LRFN5: variants seen among roughly 807,000 people sequenced by gnomAD.
The protein encoded by LRFN5 is leucine-rich repeat and fibronectin type-III domain-containing protein 5.
LRFN5 carries 24 observed loss-of-function variants against 45.6 expected under a neutral mutation model. The observed-to-expected ratio is 0.53, with a 90% confidence interval of 0.38 to 0.74. LRFN5 has a LOEUF of 0.74. Ranked by LOEUF, LRFN5 falls within the 30% of genes least tolerant of loss-of-function variation. The pLI is 0.00. For synonymous variants in LRFN5, 340 were observed against 313.8 expected (o/e 1.08, Z -0.88); for missense variants, 776 against 861.5 (o/e 0.90, Z 1.24).
intron 1 of LRFN5, among the ~76,000 whole-genome samples, chr14:41,614,342 T>C (rs937120196): frequency 6.6e-6 from 1 of 152,064 alleles, no homozygotes. Context: ...TCAACAAAAA[T>C]AGGCCTAACT....
chr14:41,813,222 GTTCT>G (rs1273654139), intron 2 of LRFN5, among the ~76,000 whole-genome samples: 1 of 152,072 alleles, frequency 6.6e-6, no homozygotes, highest in African/African-American at 2.4e-5. Flanking sequence ...TACAGTTTAA[GTTCT>G]GGGATGCATG....
chr14:41,745,591 A>T (rs1395937413), intron 1 of LRFN5, among the ~76,000 whole-genome samples: 1 of 151,972 alleles, frequency 6.6e-6, no homozygotes, highest in African/African-American at 2.4e-5. Context: ...TCAAATTAAA[A>T]ATTGGTTCTT....
intron 1 of LRFN5, among the ~76,000 whole-genome samples, chr14:41,728,656 A>C (rs917612946): frequency 6.6e-6 from 1 of 152,160 alleles, no homozygotes; most frequent in Non-Finnish European, 1.5e-5. Context: ...CTTTATCATT[A>C]AGAGAATTCA....
In LRFN5 at chr14:41,904,309, A is replaced by C; in HGVS notation, c.*134A>C. ...GTAGAAGAAATTGTCTACAGGAGCC[A>C]AGGTGAAAGTCTCTGATGACGGCGG... On this transcript the variant is annotated 3_prime_UTR_variant, in exon 6 of 6. Transcript: ENST00000298119. The C allele has an allele frequency of 5.5e-6, 6 of 1,088,094 alleles. No homozygotes were observed. In the South Asian group the frequency reaches 7.9e-5, roughly 14 times the overall value. The allele number at this position is 1,088,094 out of a possible 1,614,324, so 67.4% of individuals were successfully genotyped here.
At chr14:41,758,191 A>T (rs1460055044) in intron 1 of LRFN5, among the ~76,000 whole-genome samples, 1 of 152,026 alleles carries the variant, frequency 6.6e-6, no homozygotes, top group Non-Finnish European at 1.5e-5. Context: ...GTCTCTTGGC[A>T]TGTTTCACCA....
chr14:41,639,483 G>A (rs77581566), intron 1 of LRFN5, among the ~76,000 whole-genome samples: 3,267 of 152,172 alleles, frequency 0.021, 38 homozygotes, highest in Middle Eastern at 0.034. Context: ...CTAACGTTAT[G>A]TGTAACATTG....
intron 1 of LRFN5, among the ~76,000 whole-genome samples, chr14:41,740,866 A>G (rs1355052854): frequency 6.6e-6 from 1 of 152,052 alleles, no homozygotes; most frequent in Admixed American, 6.6e-5. Context: ...TGATTAGTAC[A>G]TTTAATAAAG....
At chr14:41,888,119 C>A in intron 3 of LRFN5, 109 bp downstream of exon 3, 1 of 844,326 alleles carries the variant, frequency 1.2e-6, no homozygotes, top group Non-Finnish European at 1.8e-6. Context: ...GTTGTAATTC[C>A]ATATTTTAAA....
chr14:41,620,688 A>T (rs1295181815), intron 1 of LRFN5, among the ~76,000 whole-genome samples: 1 of 152,054 alleles, frequency 6.6e-6, no homozygotes, highest in East Asian at 1.9e-4. Flanking sequence ...TTATTATTCT[A>T]TTGGGATCAA....
At chr14:41,670,546 GCTTAT>G (rs983342416) in intron 1 of LRFN5, among the ~76,000 whole-genome samples, 4 of 151,270 alleles carry the variant, frequency 2.6e-5, no homozygotes, top group African/African-American at 9.7e-5. Context: ...TATTTATGTA[GCTTAT>G]CTTTCAAGCC....
At chr14:41,632,406 C>G (rs1421875769) in intron 1 of LRFN5, among the ~76,000 whole-genome samples, 1 of 152,114 alleles carries the variant, frequency 6.6e-6, no homozygotes, top group Non-Finnish European at 1.5e-5. Flanking sequence ...GTGTTCAAGA[C>G]CAGCCTGGCC....
intron 2 of LRFN5, among the ~76,000 whole-genome samples, chr14:41,878,816 A>C (rs1029521029): frequency 2.0e-5 from 3 of 152,166 alleles, no homozygotes; most frequent in Non-Finnish European, 4.4e-5. Context: ...CCAGAAAAGC[A>C]TGAAAGCCAT....
intron 1 of LRFN5, among the ~76,000 whole-genome samples, chr14:41,736,884 G>A (rs1884460580): frequency 6.6e-6 from 1 of 152,022 alleles, no homozygotes; most frequent in African/African-American, 2.4e-5. Flanking sequence ...AAAAAGCCCA[G>A]GACCAGACAG....
At chr14:41,733,201 C>A (rs1884257794) in intron 1 of LRFN5, among the ~76,000 whole-genome samples, 5 of 152,016 alleles carry the variant, frequency 3.3e-5, no homozygotes. Context: ...TGATGAAAGA[C>A]ATAAATATAA....
chr14:41,733,052 A>T (rs1884249466), intron 1 of LRFN5, among the ~76,000 whole-genome samples: 1 of 144,186 alleles, frequency 6.9e-6, no homozygotes, highest in Admixed American at 7.0e-5. Flanking sequence ...AAAGAAAGTT[A>T]AAAAAAAAAA....
intron 1 of LRFN5, among the ~76,000 whole-genome samples, chr14:41,678,488 A>G (rs538510427): frequency 4.5e-4 from 68 of 152,288 alleles, no homozygotes; most frequent in South Asian, 3.3e-3. Flanking sequence ...TGGATATAAC[A>G]ATAAAAGATC....
chr14:41,839,391 A>G (rs1330801112), intron 2 of LRFN5, among the ~76,000 whole-genome samples: 1 of 152,122 alleles, frequency 6.6e-6, no homozygotes, highest in Non-Finnish European at 1.5e-5. Flanking sequence ...TCAGAAATGT[A>G]TATTTGATCC....
At chr14:41,692,450 A>T (rs1201491726) in intron 1 of LRFN5, among the ~76,000 whole-genome samples, 1 of 152,054 alleles carries the variant, frequency 6.6e-6, no homozygotes, top group Non-Finnish European at 1.5e-5. Flanking sequence ...GTTCTAGGGT[A>T]CATGTGCAAA....
chr14:41,612,732 G>T (rs892701208), intron 1 of LRFN5, among the ~76,000 whole-genome samples: 1 of 152,032 alleles, frequency 6.6e-6, no homozygotes, highest in African/African-American at 2.4e-5. Flanking sequence ...CATGGTATGT[G>T]CATGGTGAAA....
Sources: allele counts gnomAD v4.1 joint callset (sites outside exome capture counted in the v4.1 genomes callset), GRCh38; gene constraint gnomAD v4.1.1; transcripts MANE v1.5; gene names NCBI Gene and HGNC (gene_info 2026-07-23, HGNC 2026-07-21).